CLSTN1: variants seen among roughly 807,000 people sequenced by gnomAD.
The protein encoded by CLSTN1 is calsyntenin-1.
CLSTN1 carries 28 observed loss-of-function variants against 108.3 expected under a neutral mutation model. The observed-to-expected ratio is 0.26, with a 90% CI of 0.19 to 0.35. The LOEUF (loss-of-function observed/expected upper bound fraction) is 0.35, where lower values mean the gene tolerates loss of function less well. CLSTN1 is among the 10% of genes least tolerant of loss of function. The pLI, the probability that CLSTN1 is intolerant of heterozygous loss-of-function variation, is 1.00. For synonymous variants in CLSTN1, 524 were observed against 534.9 expected (o/e 0.98, Z 0.28); for missense variants, 1,157 against 1,302.6 (o/e 0.89, Z 1.72).
At chr1:9,807,244 C>T (rs780623351) in intron 1 of CLSTN1, among the ~76,000 whole-genome samples, 8 of 152,090 alleles carry the variant, frequency 5.3e-5, no homozygotes, top group Non-Finnish European at 1.0e-4. Flanking sequence ...CACCTGTCCA[C>T]GTCACACACC....
In CLSTN1 at chr1:9,733,498, T is replaced by C; in HGVS notation, c.2330A>G (p.Tyr777Cys). Residue 777 changes from tyrosine to cysteine, a missense_variant, in exon 16 of 19, where the codon TAT becomes TGT. By Grantham distance (194) the Tyr-to-Cys change is radical. Transcript: ENST00000377298. ...SYEEVLHLLRYRNWHARSLLD... is the reference protein window; with the variant it reads ...SYEEVLHLLRCRNWHARSLLD... ...CAAGGACCTGGCATGCCAGTTCCGA[T>C]AGCGCAGCAGGTGCAAAACCTCCTC... The C allele has an allele frequency of 6.2e-7, 1 of 1,614,186 alleles. No individual in the cohort carries two copies. The highest frequency in any genetic ancestry group is 8.5e-7 in the Non-Finnish European group (1 of 1,180,032).
chr1:9,750,729 A>T, intron 5 of CLSTN1, among the ~76,000 whole-genome samples: 1 of 151,714 alleles, frequency 6.6e-6, no homozygotes, highest in Non-Finnish European at 1.5e-5. Flanking sequence ...AAAAAAAAAA[A>T]AAAAGATGTC....
chr1:9,786,630 A>G (rs1653500126), intron 1 of CLSTN1, among the ~76,000 whole-genome samples: 1 of 141,872 alleles, frequency 7.0e-6, no homozygotes, highest in African/African-American at 2.7e-5. Flanking sequence ...CCTGGCTGAC[A>G]AGAGTGAGAC....
intron 1 of CLSTN1, among the ~76,000 whole-genome samples, chr1:9,813,359 C>T (rs1570525310): frequency 1.3e-5 from 2 of 151,574 alleles, no homozygotes; most frequent in East Asian, 2.0e-4. Context: ...ATTAACCAGG[C>T]TTGCTGGTGC....
chr1:9,791,543 T>C (rs948225897), intron 1 of CLSTN1, among the ~76,000 whole-genome samples: 3 of 151,132 alleles, frequency 2.0e-5, no homozygotes, highest in Non-Finnish European at 2.9e-5. Context: ...CCAAATCCTT[T>C]TTTTTTGAGA....
At chr1:9,800,933 A>C (rs1427138314) in intron 1 of CLSTN1, among the ~76,000 whole-genome samples, 1 of 150,768 alleles carries the variant, frequency 6.6e-6, no homozygotes, top group East Asian at 2.0e-4. Flanking sequence ...AGTGAGACTC[A>C]GTCTCAAAAA....
chr1:9,774,031 G>A (rs902639186), intron 1 of CLSTN1, among the ~76,000 whole-genome samples: 3 of 151,836 alleles, frequency 2.0e-5, no homozygotes, highest in African/African-American at 7.3e-5. Flanking sequence ...CGTGAGCCAC[G>A]GCACCTGGCC....
chr1:9,737,953 C>G (rs889114667), intron 10 of CLSTN1, among the ~76,000 whole-genome samples: 4 of 152,240 alleles, frequency 2.6e-5, no homozygotes, highest in Admixed American at 2.6e-4. Flanking sequence ...TCCGGACCAA[C>G]AGCACCTCTT....
At position 9,730,514 on chromosome 1, in the gene CLSTN1, G is replaced by T. The variant is rs763310976; in HGVS notation, c.2940C>A (p.Ser980Arg). ...QQLEWDDSTL[S>R]Y Reference sequence around the variant, plus strand: ...AGGTGGCCGGGGGCACGGGTCAGTAGCTGAGGGTGGAGTCATCCCACTCCA... The same window carrying T: ...AGGTGGCCGGGGGCACGGGTCAGTATCTGAGGGTGGAGTCATCCCACTCCA... The change falls in exon 19 of 19, where the codon AGC becomes AGA. Residue 980 changes from serine (S) to arginine (R), a missense_variant. Transcript: ENST00000377298. This position sits in a 1 kb window ranked among gnomAD's most constrained non-coding sequence, Gnocchi z 5.6. The T allele has an allele frequency of 6.2e-7, 1 of 1,603,618 alleles. No individual in the cohort carries two copies. Among genetic ancestry groups the T allele is most frequent in the East Asian group, 2.2e-5 (1 of 44,880 alleles).
intron 2 of CLSTN1, among the ~76,000 whole-genome samples, chr1:9,766,177 C>T (rs978504715): frequency 2.0e-5 from 3 of 152,130 alleles, no homozygotes; most frequent in African/African-American, 7.2e-5. Flanking sequence ...AACATCCATA[C>T]TTAATCTGGA....
At chr1:9,780,535 A>C (rs1314046031) in intron 1 of CLSTN1, among the ~76,000 whole-genome samples, 1 of 152,204 alleles carries the variant, frequency 6.6e-6, no homozygotes, top group African/African-American at 2.4e-5. Flanking sequence ...TTATAATTCA[A>C]ATTTTCTAAA....
At chr1:9,798,623 G>A (rs973586797) in intron 1 of CLSTN1, among the ~76,000 whole-genome samples, 1 of 152,176 alleles carries the variant, frequency 6.6e-6, no homozygotes, top group Admixed American at 6.5e-5. Flanking sequence ...TAATGGGCAT[G>A]AGGTTTTCTT....
At chr1:9,766,303 C>A (rs925529067) in intron 2 of CLSTN1, among the ~76,000 whole-genome samples, 2 of 152,154 alleles carry the variant, frequency 1.3e-5, no homozygotes, top group Admixed American at 1.3e-4. Context: ...ATCTTCAAGG[C>A]CCCAACCCTG....
In CLSTN1 at chr1:9,731,299, T is replaced by G. The variant is rs373726938; in HGVS notation, c.2655A>C (p.Ala885=). 1.2e-6 allele frequency: 2 copies of G among 1,614,254 alleles called. No homozygotes were observed. The highest frequency in any genetic ancestry group is 1.7e-6 in the Non-Finnish European group (2 of 1,180,040). ...IILGVFRIRA[A]HRRTMRDQDT... ...CCTGATCCCGCATGGTCCGCCGATGTGCGGCCCGGATCCGAAATACCCCCA... is the reference window on the plus strand; with the variant it reads ...CCTGATCCCGCATGGTCCGCCGATGGGCGGCCCGGATCCGAAATACCCCCA... The change falls in exon 18 of 19, where the codon GCA becomes GCC. Residue 885 remains alanine, a synonymous_variant. Coordinates refer to ENST00000377298, the MANE Select transcript of CLSTN1 (RefSeq NM_001009566.3).
chr1:9,744,383 C>T lies in CLSTN1; in HGVS notation c.1234+12G>A. On this transcript the variant is annotated intron_variant, in intron 8 of 18. Coordinates refer to ENST00000377298, the MANE Select transcript of CLSTN1 (RefSeq NM_001009566.3). ...CTGGGGCCTGGCATCGCTTGCAGAG[C>T]TATTACCCTACCTGTTTTATCAGAA... The T allele has an allele frequency of 1.2e-6, 2 of 1,602,892 alleles. No individual in the cohort carries two copies. Among genetic ancestry groups the T allele is most frequent in the Non-Finnish European group, 1.7e-6 (2 of 1,175,514 alleles).
intron 11 of CLSTN1, among the ~76,000 whole-genome samples, chr1:9,737,191 C>A (rs894963961): frequency 8.6e-5 from 13 of 151,840 alleles, no homozygotes; most frequent in Non-Finnish European, 1.8e-4. Flanking sequence ...GAGGCGGCCT[C>A]CCAAACCCTG....
At chr1:9,743,563 T>C (rs1205606271) in intron 9 of CLSTN1, among the ~76,000 whole-genome samples, 3 of 152,140 alleles carry the variant, frequency 2.0e-5, no homozygotes, top group African/African-American at 7.2e-5. Context: ...TTCTTTTTCT[T>C]TGGAGACGGG....
At chr1:9,771,597 G>A (rs559086020) in intron 2 of CLSTN1, among the ~76,000 whole-genome samples, 3 of 152,226 alleles carry the variant, frequency 2.0e-5, no homozygotes, top group Admixed American at 6.5e-5. Flanking sequence ...CTGGGTGACA[G>A]AGCAAGACTG....
intron 1 of CLSTN1, among the ~76,000 whole-genome samples, chr1:9,804,688 T>G (rs1654431773): frequency 6.6e-6 from 1 of 151,940 alleles, no homozygotes; most frequent in South Asian, 2.1e-4. Flanking sequence ...CTACAAAAAA[T>G]ACAAAATTTC....
Sources: allele counts gnomAD v4.1 joint callset (sites outside exome capture counted in the v4.1 genomes callset), GRCh38; gene constraint gnomAD v4.1.1; non-coding constraint Gnocchi (gnomAD v3.1); transcripts MANE v1.5; gene names NCBI Gene and HGNC (gene_info 2026-07-23, HGNC 2026-07-21).